CPEB3: variants seen among roughly 807,000 people sequenced by gnomAD.
The protein encoded by CPEB3 is cytoplasmic polyadenylation element binding protein 3.
In CPEB3, 20 loss-of-function variants were observed where a neutral mutation model predicts 67.2. That is an observed-to-expected ratio of 0.30 (90% confidence interval 0.21 to 0.43). CPEB3 has a LOEUF of 0.43. CPEB3 is among the 20% of genes least tolerant of loss of function. CPEB3 has a pLI of 1.00. For synonymous variants in CPEB3, 376 were observed against 393.1 expected (o/e 0.96, Z 0.51); for missense variants, 746 against 968.6 (o/e 0.77, Z 3.05).
At chr10:92,102,338 A>G (rs1335474251) in intron 7 of CPEB3, among the ~76,000 whole-genome samples, 1 of 152,220 alleles carries the variant, frequency 6.6e-6, no homozygotes, top group African/African-American at 2.4e-5. Context: ...GTAGTCTCCA[A>G]GTAGAAATAG....
At chr10:92,141,944 G>A (rs1846448092) in intron 6 of CPEB3, among the ~76,000 whole-genome samples, 1 of 151,072 alleles carries the variant, frequency 6.6e-6, no homozygotes. Flanking sequence ...CGTGAATCCA[G>A]GAGGCGGAGC....
chr10:92,094,065 G>A (rs1287980666), intron 7 of CPEB3, among the ~76,000 whole-genome samples: 1 of 151,482 alleles, frequency 6.6e-6, no homozygotes, highest in Non-Finnish European at 1.5e-5. Flanking sequence ...ATGTTGGCCA[G>A]GGTGGTCTCA....
chr10:92,098,209 A>G (rs981261801), intron 7 of CPEB3, among the ~76,000 whole-genome samples: 2 of 137,214 alleles, frequency 1.5e-5, no homozygotes, highest in Non-Finnish European at 3.1e-5. Flanking sequence ...AATCTGTTCA[A>G]TGTTGTTTAA....
intron 2 of CPEB3, among the ~76,000 whole-genome samples, chr10:92,205,974 A>G (rs190240257): frequency 2.4e-3 from 371 of 152,258 alleles, no homozygotes; most frequent in Non-Finnish European, 4.2e-3. Context: ...AATATTTGGT[A>G]TTTAGAAGGT....
At chr10:92,279,728 A>AT (rs1276469106) in intron 1 of CPEB3, among the ~76,000 whole-genome samples, 1 of 152,178 alleles carries the variant, frequency 6.6e-6, no homozygotes. Flanking sequence ...AAGCAAAAAA[A>AT]CAGGCAAAGG....
At chr10:92,234,657 A>T (rs1392573915) in intron 2 of CPEB3, among the ~76,000 whole-genome samples, 1 of 152,162 alleles carries the variant, frequency 6.6e-6, no homozygotes, top group Non-Finnish European at 1.5e-5. Context: ...GGCCGGGCAC[A>T]GTGGCTCATG....
chr10:92,089,140 T>G (rs1201787059), intron 8 of CPEB3, among the ~76,000 whole-genome samples: 3 of 152,222 alleles, frequency 2.0e-5, no homozygotes, highest in Non-Finnish European at 4.4e-5. Flanking sequence ...TCAGCTTGTC[T>G]AGCAAAGTCA....
chr10:92,279,620 G>A (rs1173579185), intron 1 of CPEB3, among the ~76,000 whole-genome samples: 1 of 152,146 alleles, frequency 6.6e-6, no homozygotes, highest in African/African-American at 2.4e-5. Flanking sequence ...ATCAACAGAG[G>A]TTTGGGATAA....
intron 7 of CPEB3, among the ~76,000 whole-genome samples, chr10:92,103,053 G>A (rs1844269428): frequency 6.6e-6 from 1 of 152,132 alleles, no homozygotes; most frequent in African/African-American, 2.4e-5. Flanking sequence ...TGCTGACACT[G>A]GTGTCACAAA....
intron 7 of CPEB3, among the ~76,000 whole-genome samples, chr10:92,097,757 G>T (rs1405862197): frequency 6.6e-6 from 1 of 152,114 alleles, no homozygotes; most frequent in African/African-American, 2.4e-5. Flanking sequence ...GGTCCCTAGG[G>T]TTGGTCTGCC....
chr10:92,054,634 G>T (rs1842045056), intron 9 of CPEB3, among the ~76,000 whole-genome samples: 1 of 151,992 alleles, frequency 6.6e-6, no homozygotes, highest in African/African-American at 2.4e-5. Flanking sequence ...TAGAGATGGG[G>T]TTTCACCGTG....
At chr10:92,070,273 CAT>C (rs1240272041) in intron 9 of CPEB3, among the ~76,000 whole-genome samples, 1 of 152,114 alleles carries the variant, frequency 6.6e-6, no homozygotes, top group Admixed American at 6.5e-5. Context: ...TATAATATGT[CAT>C]AGAATAAACC....
intron 2 of CPEB3, among the ~76,000 whole-genome samples, chr10:92,229,532 T>C (rs1851161328): frequency 2.0e-5 from 3 of 152,220 alleles, no homozygotes; most frequent in African/African-American, 7.2e-5. Context: ...AAGCTAGTGT[T>C]CCCATTTATT....
intron 6 of CPEB3, among the ~76,000 whole-genome samples, chr10:92,130,285 C>T (rs1289307412): frequency 1.3e-5 from 2 of 151,930 alleles, no homozygotes; most frequent in East Asian, 3.9e-4. Flanking sequence ...CTCTATTTTT[C>T]CTTCAGAGAA....
intron 2 of CPEB3, among the ~76,000 whole-genome samples, chr10:92,232,935 T>C (rs1357595086): frequency 6.6e-6 from 1 of 152,240 alleles, no homozygotes; most frequent in Non-Finnish European, 1.5e-5. Context: ...ACATGCAATT[T>C]TGAAGTATAT....
At chr10:92,266,686 C>T (rs557045458) in intron 1 of CPEB3, among the ~76,000 whole-genome samples, 4 of 152,062 alleles carry the variant, frequency 2.6e-5, no homozygotes, top group African/African-American at 9.6e-5. Flanking sequence ...GGTATAAAAG[C>T]GCTAGAAAGA....
intron 6 of CPEB3, among the ~76,000 whole-genome samples, chr10:92,120,175 G>C (rs1845286672): frequency 6.7e-6 from 1 of 150,298 alleles, no homozygotes; most frequent in Non-Finnish European, 1.5e-5. Flanking sequence ...CTTTGGTGAG[G>C]CCGAGGAGGG....
At chr10:92,269,108 T>C (rs201410271) in intron 1 of CPEB3, among the ~76,000 whole-genome samples, 1 of 151,734 alleles carries the variant, frequency 6.6e-6, no homozygotes, top group Non-Finnish European at 1.5e-5. Flanking sequence ...TCACTGGCTG[T>C]GGGCTCCTTG....
At chr10:92,206,747 C>T (rs1055727851) in intron 2 of CPEB3, among the ~76,000 whole-genome samples, 1 of 152,142 alleles carries the variant, frequency 6.6e-6, no homozygotes, top group African/African-American at 2.4e-5. Context: ...AAAGGTCATA[C>T]TTTAATTACT....
Sources: allele counts gnomAD v4.1 joint callset (sites outside exome capture counted in the v4.1 genomes callset), GRCh38; gene constraint gnomAD v4.1.1; transcripts MANE v1.5; gene names NCBI Gene and HGNC (gene_info 2026-07-23, HGNC 2026-07-21).